CSRNP3: variants seen among roughly 807,000 people sequenced by gnomAD.
CSRNP3 encodes the protein cysteine/serine-rich nuclear protein 3.
CSRNP3 carries 12 observed loss-of-function variants against 48.0 expected under a neutral mutation model. The ratio of observed to expected loss-of-function variants is 0.25; its 90% CI spans 0.16 to 0.41. CSRNP3 has a LOEUF of 0.41. Ranked by LOEUF, CSRNP3 falls within the 10% of genes least tolerant of loss-of-function variation. CSRNP3 has a pLI of 1.00. For synonymous variants in CSRNP3, 263 were observed against 269.7 expected, an observed-to-expected ratio of 0.98 and a Z score of 0.24; for missense variants, 580 against 724.4, an observed-to-expected ratio of 0.80 and a Z score of 2.29.
intron 4 of CSRNP3, among the ~76,000 whole-genome samples, chr2:165,618,037 G>A (rs781472241): frequency 2.0e-5 from 3 of 152,186 alleles, no homozygotes; most frequent in South Asian, 2.1e-4. Flanking sequence ...ATGCTGCAGC[G>A]GCTTGAGTCC....
intron 4 of CSRNP3, among the ~76,000 whole-genome samples, chr2:165,651,748 C>T (rs112391375): frequency 0.062 from 9,376 of 151,444 alleles, 446 homozygotes; most frequent in African/African-American, 0.13. Flanking sequence ...CTCTGCCTCC[C>T]GGGTTCAAGC....
At chr2:165,479,718 C>T (rs1390364597) in intron 1 of CSRNP3, among the ~76,000 whole-genome samples, 1 of 151,952 alleles carries the variant, frequency 6.6e-6, no homozygotes, top group Non-Finnish European at 1.5e-5. Flanking sequence ...GACCCCATCC[C>T]TACTAAAAAT....
chr2:165,532,196 C>A (rs1283635476), intron 3 of CSRNP3, among the ~76,000 whole-genome samples: 4 of 152,156 alleles, frequency 2.6e-5, no homozygotes, highest in Non-Finnish European at 5.9e-5. Context: ...GGAATCCTCC[C>A]TAACTCATTT....
intron 3 of CSRNP3, among the ~76,000 whole-genome samples, chr2:165,527,913 A>G (rs1423155087): frequency 6.6e-6 from 1 of 151,978 alleles, no homozygotes; most frequent in East Asian, 1.9e-4. Context: ...AAAGAAAGAG[A>G]CAGGGAGACA....
chr2:165,550,541 A>G (rs1246037280), intron 3 of CSRNP3, among the ~76,000 whole-genome samples: 1 of 152,240 alleles, frequency 6.6e-6, no homozygotes, highest in Non-Finnish European at 1.5e-5. Flanking sequence ...ATAAATGTGA[A>G]CTAAAATATG....
At chr2:165,558,139 AG>A (rs1285777901) in intron 3 of CSRNP3, among the ~76,000 whole-genome samples, 1 of 152,070 alleles carries the variant, frequency 6.6e-6, no homozygotes, top group Non-Finnish European at 1.5e-5. Context: ...TGAAAAATTA[AG>A]GGGGGGAAAA....
chr2:165,486,351 G>C (rs1399766486), intron 1 of CSRNP3, among the ~76,000 whole-genome samples: 3 of 151,400 alleles, frequency 2.0e-5, no homozygotes, highest in African/African-American at 7.3e-5. Context: ...ACTGCAAGGC[G>C]GCAGCGAGGC....
chr2:165,497,407 A>G (rs1395266103), intron 2 of CSRNP3, among the ~76,000 whole-genome samples: 1 of 152,076 alleles, frequency 6.6e-6, no homozygotes. Flanking sequence ...CAGAACCATG[A>G]CTTGAGATAA....
intron 3 of CSRNP3, among the ~76,000 whole-genome samples, chr2:165,554,584 CCT>C (rs1470001004): frequency 6.6e-6 from 1 of 152,156 alleles, no homozygotes; most frequent in Non-Finnish European, 1.5e-5. Context: ...AAGACTGTGT[CCT>C]CTCTTTTTCC....
intron 1 of CSRNP3, among the ~76,000 whole-genome samples, chr2:165,477,498 A>ATATATAT (rs1394959197): frequency 3.6e-5 from 4 of 111,986 alleles, no homozygotes; most frequent in Non-Finnish European, 3.7e-5. Context: ...ATATATATAT[A>ATATATAT]ATACAAATAT....
chr2:165,650,655 C>A (rs1280977224), intron 4 of CSRNP3, among the ~76,000 whole-genome samples: 1 of 152,204 alleles, frequency 6.6e-6, no homozygotes, highest in East Asian at 1.9e-4. Context: ...AGAAGCAACA[C>A]ACACAACTTC....
chr2:165,540,600 T>G lies in CSRNP3; in HGVS notation c.-24+22639T>G, dbSNP rs77321779. Among the ~76,000 whole-genome samples the G allele has an allele frequency of 5.2e-3, 790 of 152,230 alleles. 3 individuals are homozygous for G. Among genetic ancestry groups the G allele is most frequent in the South Asian group, 0.017 (82 of 4,832 alleles). On this transcript the variant is annotated intron_variant, in intron 3 of 6. Coordinates refer to ENST00000651982, the MANE Select transcript of CSRNP3 (RefSeq NM_001172173.2). ...CTGCACACTAAGCCCTGGAGACTCATGCAGACATTCCTTGTGTTCCACAAC... is the reference window on the plus strand; with the variant it reads ...CTGCACACTAAGCCCTGGAGACTCAGGCAGACATTCCTTGTGTTCCACAAC...
At chr2:165,658,656 T>C (rs1687048100) in intron 5 of CSRNP3, among the ~76,000 whole-genome samples, 1 of 152,174 alleles carries the variant, frequency 6.6e-6, no homozygotes, top group South Asian at 2.1e-4. Flanking sequence ...CAGTTCCATA[T>C]GGCTGGAGAG....
intron 3 of CSRNP3, among the ~76,000 whole-genome samples, chr2:165,541,922 C>A (rs949675891): frequency 1.3e-5 from 2 of 152,068 alleles, no homozygotes; most frequent in Non-Finnish European, 2.9e-5. Context: ...AAAATAAGAT[C>A]ACATAGGTAG....
chr2:165,469,867 G>C (rs1683869261), intron 1 of CSRNP3, 127 bp downstream of exon 1: 1 of 152,122 alleles, frequency 6.6e-6, no homozygotes, highest in South Asian at 2.1e-4. Flanking sequence ...CTGAAAGTGT[G>C]TCCCTTTTAT....
chr2:165,634,068 G>A (rs924527985), intron 4 of CSRNP3, among the ~76,000 whole-genome samples: 14 of 152,112 alleles, frequency 9.2e-5, no homozygotes, highest in Non-Finnish European at 1.0e-4. Flanking sequence ...GTCCAGCCCC[G>A]TGGCTCACAC....
At chr2:165,636,249 G>T (rs367913045) in intron 4 of CSRNP3, among the ~76,000 whole-genome samples, 1 of 152,074 alleles carries the variant, frequency 6.6e-6, no homozygotes, top group East Asian at 1.9e-4. Flanking sequence ...CTTAGAAATT[G>T]CCTGGATTCT....
intron 4 of CSRNP3, among the ~76,000 whole-genome samples, chr2:165,649,526 T>A (rs1156586281): frequency 6.6e-6 from 1 of 152,216 alleles, no homozygotes; most frequent in Non-Finnish European, 1.5e-5. Flanking sequence ...TACTTGCTGC[T>A]TTACTAATAC....
intron 4 of CSRNP3, among the ~76,000 whole-genome samples, chr2:165,644,059 A>G (rs1011591429): frequency 6.6e-6 from 1 of 152,184 alleles, no homozygotes; most frequent in Admixed American, 6.5e-5. Context: ...TTCTCTTTCA[A>G]AATCATTTAT....
Sources: gnomAD v4.1 joint callset for allele counts (sites outside exome capture counted in the v4.1 genomes callset) on GRCh38, gnomAD v4.1.1 for gene constraint, MANE v1.5 for transcripts, NCBI Gene and HGNC (gene_info 2026-07-23, HGNC 2026-07-21) for gene names.